The following PAPSS2 variants were observed in gnomAD, a reference collection of about 807,000 sequenced individuals.
The protein encoded by PAPSS2 is 3'-phosphoadenosine 5'-phosphosulfate synthase 2, also known as bifunctional 3'-phosphoadenosine 5'-phosphosulfate synthase 2.
PAPSS2 carries 61 observed loss-of-function variants against 66.5 expected under a neutral mutation model. The observed-to-expected ratio is 0.92, with a 90% CI of 0.75 to 1.14. PAPSS2 has a LOEUF of 1.14. PAPSS2 is among the 50% of genes most tolerant of loss of function. PAPSS2 has a pLI of 0.00. For synonymous variants in PAPSS2, 289 were observed against 287.5 expected (o/e 1.01, Z -0.05); for missense variants, 708 against 789.6 (o/e 0.90, Z 1.24).
intron 11 of PAPSS2, among the ~76,000 whole-genome samples, 172 bp from the exon 12 acceptor site, chr10:87,744,830 T>C (rs1478816775): frequency 1.3e-5 from 2 of 152,218 alleles, no homozygotes; most frequent in Non-Finnish European, 2.9e-5. Context: ...CTACCTAATA[T>C]AACAAAGCAT....
In PAPSS2 at chr10:87,677,066, C is replaced by T. The variant is rs376389116; in HGVS notation, c.27+17058C>T. 5.3e-5 allele frequency among the ~76,000 whole-genome samples: 8 copies of T among 151,974 alleles called. No individual in the cohort carries two copies. The East Asian group carries it at 1.5e-3, about 29-fold the overall frequency. The stretch of plus-strand genomic sequence containing the variant: ...AAAATTAGCCGGGCATGGCAGCACA[C>T]TCCTGTAATCCCAGCTACTCCAGAG... On this transcript the variant is annotated intron_variant, in intron 1 of 12. Transcript: ENST00000456849.
intron 6 of PAPSS2, among the ~76,000 whole-genome samples, chr10:87,715,515 A>G (rs1226863033): frequency 2.0e-5 from 3 of 152,262 alleles, no homozygotes; most frequent in African/African-American, 7.2e-5. Context: ...AAGTCATCTC[A>G]ATACAAAATC....
At chr10:87,719,722 C>T (rs1853572443) in intron 7 of PAPSS2, among the ~76,000 whole-genome samples, 1 of 152,042 alleles carries the variant, frequency 6.6e-6, no homozygotes, top group South Asian at 2.1e-4. Context: ...CACTGAGTGC[C>T]CCCCATGTGC....
intron 1 of PAPSS2, among the ~76,000 whole-genome samples, chr10:87,688,807 A>T (rs1000326886): frequency 3.9e-5 from 6 of 152,114 alleles, no homozygotes; most frequent in Non-Finnish European, 7.4e-5. Context: ...CTTCTTATTC[A>T]GACTTCTTTG....
intron 1 of PAPSS2, among the ~76,000 whole-genome samples, chr10:87,704,287 A>G (rs1853354466): frequency 2.6e-5 from 4 of 152,250 alleles, no homozygotes; most frequent in Admixed American, 2.0e-4. Context: ...ATTAAATACT[A>G]TGTTAGAGTC....
At chr10:87,704,886 C>T (rs988930269) in intron 1 of PAPSS2, among the ~76,000 whole-genome samples, 1 of 152,188 alleles carries the variant, frequency 6.6e-6, no homozygotes, top group African/African-American at 2.4e-5. Context: ...AAGTGATCCA[C>T]CCACCTCAGC....
At chr10:87,685,704 A>C (rs1187436266) in intron 1 of PAPSS2, among the ~76,000 whole-genome samples, 2 of 152,166 alleles carry the variant, frequency 1.3e-5, no homozygotes, top group African/African-American at 4.8e-5. Flanking sequence ...TTATTTTTTC[A>C]CAATGCATGT....
intron 8 of PAPSS2, among the ~76,000 whole-genome samples, chr10:87,726,063 GT>G (rs2131719916): frequency 6.6e-6 from 1 of 152,218 alleles, no homozygotes; most frequent in African/African-American, 2.4e-5. Flanking sequence ...TTTTTTACAA[GT>G]GCATGAGATG....
chr10:87,673,689 C>CT (rs34935261), intron 1 of PAPSS2, among the ~76,000 whole-genome samples: 7,433 of 67,458 alleles, frequency 0.11, 594 homozygotes, highest in Non-Finnish European at 0.15. Context: ...TTTTGGCTTA[C>CT]TTTTTTTTTT....
intron 9 of PAPSS2, among the ~76,000 whole-genome samples, chr10:87,736,954 T>C (rs1853808523): frequency 6.6e-6 from 1 of 152,118 alleles, no homozygotes; most frequent in Admixed American, 6.5e-5. Flanking sequence ...CTGCAGACCC[T>C]CCCTGCTTGG....
chr10:87,702,875 C>T (rs960472927), intron 1 of PAPSS2, among the ~76,000 whole-genome samples: 1 of 152,086 alleles, frequency 6.6e-6, no homozygotes, highest in Non-Finnish European at 1.5e-5. Context: ...CTGGAAATGC[C>T]CCGCCCCACC....
Position 87,747,531 on chromosome 10 carries a change from C to A in PAPSS2, c.*1561C>A, listed in dbSNP as rs1058798. 0.29 allele frequency: 44,173 copies of A among 151,926 alleles called. 6,628 individuals are homozygous for A. Among genetic ancestry groups the A allele is most frequent in the Middle Eastern group, 0.31 (91 of 294 alleles). The allele number at this position is 151,926 out of a possible 1,614,324, so 9.4% of individuals were successfully genotyped here. ...TCACTACTGCCTTTAAAAAAAAAAA[C>A]CAGCATATTTATTGAAAACATGAGA... On this transcript the variant is annotated 3_prime_UTR_variant, in exon 13 of 13. Transcript: ENST00000456849.
intron 1 of PAPSS2, among the ~76,000 whole-genome samples, chr10:87,680,899 G>A (rs956026049): frequency 3.3e-5 from 5 of 152,092 alleles, no homozygotes; most frequent in Admixed American, 3.3e-4. Context: ...AGATGTATTT[G>A]TGAGAGTCAT....
intron 9 of PAPSS2, among the ~76,000 whole-genome samples, chr10:87,736,024 T>C (rs1250288185): frequency 2.6e-5 from 4 of 152,180 alleles, no homozygotes; most frequent in Non-Finnish European, 5.9e-5. Flanking sequence ...TCTTCTCTGC[T>C]AACATTTCAG....
chr10:87,708,744 A>T (rs1853425373), intron 1 of PAPSS2, among the ~76,000 whole-genome samples: 1 of 152,262 alleles, frequency 6.6e-6, no homozygotes. Flanking sequence ...AATTAATAGA[A>T]TTAATAAATG....
intron 9 of PAPSS2, among the ~76,000 whole-genome samples, chr10:87,740,323 A>ATG (rs551824795): frequency 6.8e-6 from 1 of 147,734 alleles, no homozygotes; most frequent in Non-Finnish European, 1.5e-5. Flanking sequence ...ATATTAACAC[A>ATG]TGTGTGTGTT....
rs1853929196 is a variant in PAPSS2, at chr10:87,745,743, T to G, written c.1722-89T>G. The G allele has an allele frequency of 2.3e-6, 3 of 1,318,720 alleles. No homozygotes were observed. The South Asian group carries it at 3.5e-5, about 16-fold the overall frequency. The allele number at this position is 1,318,720 out of a possible 1,614,324, so 81.7% of individuals were successfully genotyped here. ...GATGCAGCATTTTACAGAAAGAACA[T>G]GGGTCTCAAAAACCATAACCTACTC... On this transcript the variant is annotated intron_variant, in intron 12 of 12. Transcript: ENST00000456849.
At chr10:87,680,696 C>A (rs954719439) in intron 1 of PAPSS2, among the ~76,000 whole-genome samples, 1 of 152,040 alleles carries the variant, frequency 6.6e-6, no homozygotes, top group African/African-American at 2.4e-5. Flanking sequence ...GTTTTCTAAT[C>A]TGTGTACTGG....
intron 9 of PAPSS2, among the ~76,000 whole-genome samples, chr10:87,731,715 G>A (rs904118870): frequency 3.9e-5 from 6 of 152,180 alleles, no homozygotes; most frequent in Admixed American, 3.3e-4. Context: ...TTCAGTAGAG[G>A]AAGTAACTGC....
Sources: gnomAD v4.1 joint callset for allele counts (sites outside exome capture counted in the v4.1 genomes callset) on GRCh38, gnomAD v4.1.1 for gene constraint, MANE v1.5 for transcripts, NCBI Gene and HGNC (gene_info 2026-07-23, HGNC 2026-07-21) for gene names.